FLRT1: variants seen among roughly 807,000 people sequenced by gnomAD.
FLRT1 encodes fibronectin leucine rich transmembrane protein 1.
FLRT1 carries 14 observed loss-of-function variants against 30.9 expected under a neutral mutation model. The observed-to-expected ratio is 0.45, with a 90% CI of 0.30 to 0.71. The LOEUF is 0.71. Ranked by LOEUF, FLRT1 falls within the 30% of genes least tolerant of loss-of-function variation. FLRT1 has a pLI of 0.08. For synonymous variants in FLRT1, 368 were observed against 430.4 expected (o/e 0.85, Z 1.80); for missense variants, 737 against 949.2 (o/e 0.78, Z 2.94).
chr11:64,102,407 A>G (rs669913), intron 1 of FLRT1, among the ~76,000 whole-genome samples: 71,036 of 151,996 alleles, frequency 0.47, 17,401 homozygotes, highest in African/African-American at 0.61. Context: ...CAGAGGCCAG[A>G]AACACGGAGA....
At chr11:64,113,941 T>C (rs1006562764) in intron 2 of FLRT1, among the ~76,000 whole-genome samples, 2 of 145,392 alleles carry the variant, frequency 1.4e-5, no homozygotes. Flanking sequence ...GATGCACGGA[T>C]GGATGGATGG....
chr11:64,038,638 G>A (rs1277512347), intron 1 of FLRT1, among the ~76,000 whole-genome samples: 1 of 152,202 alleles, frequency 6.6e-6, no homozygotes, highest in African/African-American at 2.4e-5. Flanking sequence ...TCCCCAGCCA[G>A]CCAGACATCC....
In FLRT1 at chr11:64,117,817, T is replaced by C. The variant is rs773047509; in HGVS notation, c.1550T>C (p.Val517Ala). The C allele has an allele frequency of 1.2e-6, 2 of 1,614,078 alleles. No individual in the cohort carries two copies. The highest frequency in any genetic ancestry group is 1.3e-5 in the African/African-American group (1 of 74,952). Residue 517 changes from valine to alanine, a missense_variant, in exon 3 of 3, where the codon GTA (valine) becomes GCA (alanine). Transcript: ENST00000682287. ...ACCATGGAGACCAGCAATGCCTACG[T>C]AGCTGATGAGACACCCGTGTGTGCC... ...MVTMETSNAY[V>A]ADETPVCAKA...
At chr11:64,037,097 C>G (rs77406281) in intron 1 of FLRT1, among the ~76,000 whole-genome samples, 6,965 of 152,100 alleles carry the variant, frequency 0.046, 204 homozygotes, top group South Asian at 0.079. Flanking sequence ...CCCCCGAGGC[C>G]CAAGCCAGAG....
At chr11:64,078,786 G>C (rs560850614) in intron 1 of FLRT1, among the ~76,000 whole-genome samples, 2 of 152,166 alleles carry the variant, frequency 1.3e-5, no homozygotes, top group East Asian at 1.9e-4. Context: ...GGTGACTGCA[G>C]GGGGGGAGGC....
At chr11:64,061,104 A>G (rs1227293569) in intron 1 of FLRT1, among the ~76,000 whole-genome samples, 1 of 152,162 alleles carries the variant, frequency 6.6e-6, no homozygotes, top group Admixed American at 6.5e-5. Context: ...TCGCGCTGGA[A>G]GGACTTTGGT....
At chr11:64,049,930 G>A (rs1025935524) in intron 1 of FLRT1, among the ~76,000 whole-genome samples, 2 of 152,190 alleles carry the variant, frequency 1.3e-5, no homozygotes, top group African/African-American at 4.8e-5. Flanking sequence ...CGGGGGGGAG[G>A]CCAAACCTCT....
intron 1 of FLRT1, chr11:64,060,390 C>T (rs983096506): frequency 6.6e-6 from 1 of 152,248 alleles, no homozygotes; most frequent in Non-Finnish European, 1.5e-5. Context: ...CAGAAGGCCT[C>T]GGATTGGTTG....
chr11:64,049,719 A>G (rs892372357), intron 1 of FLRT1, among the ~76,000 whole-genome samples: 2 of 152,232 alleles, frequency 1.3e-5, no homozygotes. Context: ...CCCAGAGCCC[A>G]GTGTCTTGCC....
At position 64,117,767 on chromosome 11, in the gene FLRT1, G is replaced by C. The variant is rs1945018312; in HGVS notation, c.1500G>C (p.Lys500Asn). 1.2e-6 allele frequency: 2 copies of C among 1,614,022 alleles called. No individual in the cohort carries two copies. The highest frequency in any genetic ancestry group is 1.3e-5 in the African/African-American group (1 of 74,958). ...TEYLLTALEP[K>N]STYIICMVTM... ...ACCTGCTGACAGCCCTGGAGCCCAA[G>C]TCCACCTACATCATCTGCATGGTCA... The change falls in exon 3 of 3, where the codon AAG (lysine) becomes AAC (asparagine). Residue 500 changes from lysine to asparagine, a missense_variant. Coordinates refer to ENST00000682287, the MANE Select transcript of FLRT1 (RefSeq NM_013280.5).
intron 1 of FLRT1, among the ~76,000 whole-genome samples, chr11:64,058,680 G>A (rs1473336792): frequency 3.3e-5 from 5 of 152,248 alleles, no homozygotes; most frequent in South Asian, 2.1e-4. Context: ...GCTCCACGCC[G>A]GCTGCAACCG....
At chr11:64,037,655 G>C (rs1047838448) in intron 1 of FLRT1, among the ~76,000 whole-genome samples, 28 of 152,144 alleles carry the variant, frequency 1.8e-4, no homozygotes, top group African/African-American at 6.3e-4. Context: ...GGGTGTGTGT[G>C]TGTGTGCGCA....
At chr11:64,091,060 A>G (rs1944481352) in intron 1 of FLRT1, among the ~76,000 whole-genome samples, 1 of 143,494 alleles carries the variant, frequency 7.0e-6, no homozygotes, top group African/African-American at 2.5e-5. Flanking sequence ...GGAGGAGGGA[A>G]GAGAAGATGA....
At chr11:64,105,032 T>C (rs1177962069) in intron 2 of FLRT1, among the ~76,000 whole-genome samples, 1 of 152,242 alleles carries the variant, frequency 6.6e-6, no homozygotes, top group Non-Finnish European at 1.5e-5. Context: ...TGATTTATGA[T>C]TGCACCAGGG....
chr11:64,053,194 C>T (rs967109459), intron 1 of FLRT1, among the ~76,000 whole-genome samples: 12 of 152,138 alleles, frequency 7.9e-5, no homozygotes, highest in African/African-American at 2.9e-4. Flanking sequence ...CTGGGGTGGG[C>T]GTGCTGGGGA....
At chr11:64,086,590 C>T (rs558745691) in intron 1 of FLRT1, among the ~76,000 whole-genome samples, 5 of 152,132 alleles carry the variant, frequency 3.3e-5, no homozygotes, top group Admixed American at 6.5e-5. Context: ...CTTTGCACAG[C>T]GGTTCTGCGA....
At chr11:64,115,685 T>C (rs1944964874) in intron 2 of FLRT1, among the ~76,000 whole-genome samples, 2 of 152,308 alleles carry the variant, frequency 1.3e-5, no homozygotes, top group South Asian at 2.1e-4. Context: ...TTTGAGCTCC[T>C]GGGCCTTCCA....
chr11:64,071,538 G>A lies in FLRT1; in HGVS notation c.-1037-31656G>A, dbSNP rs116047050. 4.3e-3 allele frequency among the ~76,000 whole-genome samples: 647 copies of A among 152,154 alleles called. 3 individuals carry two copies. Among genetic ancestry groups the A allele is most frequent in the African/African-American group, 0.015 (616 of 41,518 alleles). ...CACCCTGGGGCCCATCCCAGACCAG[G>A]GGCCCACTCTGGGCAGGGTGGGAAA... On this transcript the variant is annotated intron_variant, in intron 1 of 2. Transcript: ENST00000682287.
At chr11:64,053,859 G>A (rs1943737257) in intron 1 of FLRT1, among the ~76,000 whole-genome samples, 1 of 152,132 alleles carries the variant, frequency 6.6e-6, no homozygotes, top group Non-Finnish European at 1.5e-5. Flanking sequence ...TGGGAGTTAG[G>A]GGCAGGGCTA....
Sources: allele counts gnomAD v4.1 joint callset (sites outside exome capture counted in the v4.1 genomes callset), GRCh38; gene constraint gnomAD v4.1.1; transcripts MANE v1.5; gene names NCBI Gene and HGNC (gene_info 2026-07-23, HGNC 2026-07-21).